SLAIN2: variants seen among roughly 807,000 people sequenced by gnomAD.
SLAIN2 encodes SLAIN motif-containing protein 2.
A neutral mutation model predicts 56.6 loss-of-function variants in SLAIN2; 31 were observed. That is an observed-to-expected ratio of 0.55 (90% confidence interval 0.41 to 0.74). SLAIN2 has a LOEUF of 0.74. Among genes scored for constraint, SLAIN2 ranks in the 30% least tolerant of loss-of-function variants. SLAIN2 has a pLI of 0.00. For synonymous variants in SLAIN2, 317 were observed against 284.9 expected (o/e 1.11, Z -1.13); for missense variants, 777 against 754.2 (o/e 1.03, Z -0.35).
In SLAIN2 at chr4:48,341,571, G is replaced by A. The variant is rs1398861948; in HGVS notation, c.-169G>A. ...AGATGAGGCAGTTCGGCTGGGGCCA[G>A]CGGCGCTTTGGAACCCGAGGTGGGG... On this transcript the variant is annotated 5_prime_UTR_variant, in exon 1 of 8. Coordinates refer to ENST00000264313, the MANE Select transcript of SLAIN2 (RefSeq NM_020846.2). 1 of 1,079,446 alleles carries A rather than the reference G, an allele frequency of 9.3e-7. No homozygotes were observed. The highest frequency in any genetic ancestry group is 1.2e-6 in the Non-Finnish European group (1 of 804,556). 66.9% of individuals were successfully genotyped at this position (1,079,446 alleles called of 1,614,324 possible). A position where few individuals can be genotyped will look rare whatever the true frequency, so the allele number is the denominator to read the frequency against.
intron 2 of SLAIN2, among the ~76,000 whole-genome samples, chr4:48,370,821 TG>T (rs1715643597): frequency 6.6e-6 from 1 of 152,218 alleles, no homozygotes; most frequent in Non-Finnish European, 1.5e-5. Context: ...TTTATTTACT[TG>T]GCAGCCATGT....
intron 6 of SLAIN2, among the ~76,000 whole-genome samples, chr4:48,407,244 AT>A (rs757602858): frequency 1.3e-5 from 2 of 151,906 alleles, no homozygotes; most frequent in Non-Finnish European, 2.9e-5. Flanking sequence ...TATTGTGTAT[AT>A]TGACTCTTAT....
chr4:48,386,646 G>A (rs1716108765), intron 6 of SLAIN2, among the ~76,000 whole-genome samples: 3 of 152,106 alleles, frequency 2.0e-5, no homozygotes, highest in Admixed American at 2.0e-4. Flanking sequence ...AAGTCTTATT[G>A]TGAACTCTGT....
intron 1 of SLAIN2, among the ~76,000 whole-genome samples, chr4:48,359,228 G>A (rs1376395012): frequency 2.0e-5 from 3 of 152,208 alleles, no homozygotes; most frequent in African/African-American, 4.8e-5. Context: ...TGCATTGAAC[G>A]TTGTGAAGAC....
intron 6 of SLAIN2, among the ~76,000 whole-genome samples, chr4:48,400,745 TA>T (rs967787719): frequency 2.1e-4 from 32 of 151,288 alleles, no homozygotes; most frequent in Non-Finnish European, 3.1e-4. Context: ...TTTTATTAAT[TA>T]AAAAAAAAGC....
chr4:48,399,185 A>G (rs1441723865), intron 6 of SLAIN2, among the ~76,000 whole-genome samples: 3 of 152,076 alleles, frequency 2.0e-5, no homozygotes, highest in African/African-American at 7.2e-5. Flanking sequence ...TTCCTTAAGC[A>G]GTGGTTTGTG....
At chr4:48,365,408 A>G (rs1715487425) in intron 1 of SLAIN2, among the ~76,000 whole-genome samples, 1 of 130,910 alleles carries the variant, frequency 7.6e-6, no homozygotes, top group South Asian at 2.9e-4. Context: ...TGGAGGTTGC[A>G]GTGAGCCGAG....
chr4:48,365,463 AAAG>A (rs1560453468), intron 1 of SLAIN2, among the ~76,000 whole-genome samples: 2 of 151,384 alleles, frequency 1.3e-5, no homozygotes, highest in African/African-American at 2.4e-5. Flanking sequence ...AAAAAAAAAA[AAAG>A]CACTTTTTCC....
At chr4:48,372,315 T>C (rs115705787) in intron 2 of SLAIN2, among the ~76,000 whole-genome samples, 2,321 of 152,240 alleles carry the variant, frequency 0.015, 43 homozygotes, top group African/African-American at 0.052. Context: ...TCTGGCAAAC[T>C]TTTTCTGCAA....
At chr4:48,370,720 TTTC>T (rs1158026736) in intron 2 of SLAIN2, among the ~76,000 whole-genome samples, 2 of 152,252 alleles carry the variant, frequency 1.3e-5, no homozygotes, top group African/African-American at 2.4e-5. Flanking sequence ...ATATTGTTCA[TTTC>T]TTCTTGTATT....
chr4:48,375,367 A>C (rs116810010), intron 2 of SLAIN2, among the ~76,000 whole-genome samples: 2 of 152,218 alleles, frequency 1.3e-5, no homozygotes, highest in Non-Finnish European at 2.9e-5. Flanking sequence ...TGCACTGTCT[A>C]ACTAAACAGA....
At chr4:48,348,401 A>G (rs746589481) in intron 1 of SLAIN2, among the ~76,000 whole-genome samples, 27 of 152,284 alleles carry the variant, frequency 1.8e-4, no homozygotes, top group Admixed American at 5.9e-4. Context: ...GAAACCTTCA[A>G]GACAGGCTGG....
At chr4:48,368,195 C>T (rs1435400179) in intron 1 of SLAIN2, among the ~76,000 whole-genome samples, 1 of 151,704 alleles carries the variant, frequency 6.6e-6, no homozygotes, top group African/African-American at 2.4e-5. Context: ...ATTACGGGTG[C>T]CCGCCACCAC....
chr4:48,412,441 G>C (rs1331726617), intron 6 of SLAIN2, among the ~76,000 whole-genome samples: 2 of 147,466 alleles, frequency 1.4e-5, no homozygotes, highest in Non-Finnish European at 3.0e-5. Context: ...CTCTCTCTGT[G>C]TCTCAGCTTT....
chr4:48,396,094 A>G (rs1261754206), intron 6 of SLAIN2, among the ~76,000 whole-genome samples: 1 of 152,158 alleles, frequency 6.6e-6, no homozygotes, highest in Non-Finnish European at 1.5e-5. Flanking sequence ...TAAGAAAACC[A>G]TAACTTCTAG....
At chr4:48,373,963 C>T (rs535210483) in intron 2 of SLAIN2, among the ~76,000 whole-genome samples, 14 of 151,976 alleles carry the variant, frequency 9.2e-5, no homozygotes, top group African/African-American at 2.9e-4. Context: ...GCTTAAACCC[C>T]GGTGGTGGAG....
chr4:48,353,021 G>C (rs886261967), intron 1 of SLAIN2, among the ~76,000 whole-genome samples: 3 of 152,140 alleles, frequency 2.0e-5, no homozygotes, highest in African/African-American at 7.2e-5. Flanking sequence ...TGCAATCCAT[G>C]TAAGATGTGA....
intron 6 of SLAIN2, among the ~76,000 whole-genome samples, chr4:48,413,862 A>G (rs1465430336): frequency 6.6e-6 from 1 of 152,196 alleles, no homozygotes; most frequent in Non-Finnish European, 1.5e-5. Context: ...CATGTTGGAT[A>G]TATTTTTATA....
intron 6 of SLAIN2, among the ~76,000 whole-genome samples, chr4:48,387,747 C>G (rs1716136261): frequency 1.3e-5 from 2 of 150,892 alleles, no homozygotes; most frequent in Non-Finnish European, 3.0e-5. Flanking sequence ...TAACATGAAG[C>G]AAAAAAAGTG....
Sources: gnomAD v4.1 joint callset for allele counts (sites outside exome capture counted in the v4.1 genomes callset) on GRCh38, gnomAD v4.1.1 for gene constraint, MANE v1.5 for transcripts, NCBI Gene and HGNC (gene_info 2026-07-23, HGNC 2026-07-21) for gene names.